PLEKHA5: variants seen among roughly 807,000 people sequenced by gnomAD.
PLEKHA5 encodes pleckstrin homology domain-containing family A member 5.
A neutral mutation model predicts 181.9 loss-of-function variants in PLEKHA5; 55 were observed. That is an observed-to-expected ratio of 0.30 (90% CI 0.24 to 0.38). The LOEUF is 0.38. Among genes scored for constraint, PLEKHA5 ranks in the 10% least tolerant of loss-of-function variants. PLEKHA5 has a pLI of 1.00. For missense variants in PLEKHA5, 1,432 were observed against 1,549.5 expected (o/e 0.92, Z 1.27); for synonymous variants, 535 against 529.4 (o/e 1.01, Z -0.15).
chr12:19,187,923 G>GCCTA (rs2050222585), intron 3 of PLEKHA5, among the ~76,000 whole-genome samples: 1 of 152,136 alleles, frequency 6.6e-6, no homozygotes, highest in Non-Finnish European at 1.5e-5. Context: ...CTGATAGAGT[G>GCCTA]CCTAGTAAGT....
At chr12:19,349,276 C>A (rs2094477614) in intron 25 of PLEKHA5, among the ~76,000 whole-genome samples, 1 of 151,950 alleles carries the variant, frequency 6.6e-6, no homozygotes, top group Admixed American at 6.6e-5. Context: ...CCACCATACC[C>A]AACTAATTTT....
intron 3 of PLEKHA5, among the ~76,000 whole-genome samples, chr12:19,182,383 T>A (rs1312388081): frequency 6.6e-6 from 1 of 152,206 alleles, no homozygotes; most frequent in Non-Finnish European, 1.5e-5. Flanking sequence ...CCATCAATCC[T>A]TTCCTAAAGG....
intron 10 of PLEKHA5, 98 bp from the exon 11 acceptor site, chr12:19,274,418 C>G (rs2073967700): frequency 1.3e-6 from 1 of 778,816 alleles, no homozygotes; most frequent in Non-Finnish European, 2.0e-6. Flanking sequence ...TCCCCTGGCC[C>G]CCACCCCCGT....
At chr12:19,291,388 A>G (rs1240438038) in intron 14 of PLEKHA5, among the ~76,000 whole-genome samples, 1 of 152,204 alleles carries the variant, frequency 6.6e-6, no homozygotes, top group Non-Finnish European at 1.5e-5. Flanking sequence ...TGCTAAAGCT[A>G]TTTTAAGGAA....
At chr12:19,364,510 C>CA (rs1027249743) in intron 29 of PLEKHA5, among the ~76,000 whole-genome samples, 14 of 149,184 alleles carry the variant, frequency 9.4e-5, no homozygotes, top group East Asian at 2.0e-4. Context: ...GAATCTGCCT[C>CA]AAAAAAAAAA....
intron 25 of PLEKHA5, among the ~76,000 whole-genome samples, chr12:19,351,713 G>A (rs2094602857): frequency 1.3e-5 from 2 of 152,128 alleles, no homozygotes; most frequent in South Asian, 4.1e-4. Context: ...AAAATACATT[G>A]TTAGAAATAA....
chr12:19,203,851 TTTA>T (rs1210354304), intron 3 of PLEKHA5, among the ~76,000 whole-genome samples: 3 of 151,462 alleles, frequency 2.0e-5, no homozygotes, highest in South Asian at 2.1e-4. Flanking sequence ...AGTTAGATTT[TTTA>T]TTTGTTTCTT....
At chr12:19,209,132 C>T (rs2056371403) in intron 3 of PLEKHA5, among the ~76,000 whole-genome samples, 1 of 152,100 alleles carries the variant, frequency 6.6e-6, no homozygotes, top group Non-Finnish European at 1.5e-5. Context: ...AAGGATAAGA[C>T]ATCAGCTTGA....
chr12:19,204,149 A>T (rs1358655481), intron 3 of PLEKHA5, among the ~76,000 whole-genome samples: 1 of 152,030 alleles, frequency 6.6e-6, no homozygotes, highest in South Asian at 2.1e-4. Context: ...TTGTGAGGCT[A>T]CTGTTCTCAA....
intron 3 of PLEKHA5, among the ~76,000 whole-genome samples, chr12:19,159,354 C>G (rs2042455571): frequency 6.6e-6 from 1 of 152,104 alleles, no homozygotes; most frequent in Admixed American, 6.5e-5. Flanking sequence ...TTGCCCTTTT[C>G]ACTTGAAACA....
intron 12 of PLEKHA5, among the ~76,000 whole-genome samples, chr12:19,286,370 T>C (rs1387776790): frequency 2.0e-5 from 3 of 152,206 alleles, no homozygotes; most frequent in East Asian, 3.8e-4. Flanking sequence ...TTAAAAAATA[T>C]CAGTTTTTTG....
chr12:19,169,420 A>G (rs1319999534), intron 3 of PLEKHA5, among the ~76,000 whole-genome samples: 1 of 152,164 alleles, frequency 6.6e-6, no homozygotes, highest in Non-Finnish European at 1.5e-5. Context: ...GTCTTCACTT[A>G]TAGGGCAGTG....
At chr12:19,242,430 A>G (rs901107671) in intron 3 of PLEKHA5, among the ~76,000 whole-genome samples, 3 of 151,932 alleles carry the variant, frequency 2.0e-5, no homozygotes, top group African/African-American at 4.8e-5. Flanking sequence ...TAGTAGAGAC[A>G]CGGTTTCACC....
At chr12:19,275,934 A>G (rs2074390876) in intron 11 of PLEKHA5, among the ~76,000 whole-genome samples, 1 of 152,218 alleles carries the variant, frequency 6.6e-6, no homozygotes, top group African/African-American at 2.4e-5. Flanking sequence ...CTAGTAGAGG[A>G]GACAATTGAA....
intron 15 of PLEKHA5, chr12:19,307,012 A>G (rs1260739921): frequency 3.3e-6 from 5 of 1,494,604 alleles, no homozygotes; most frequent in East Asian, 2.3e-5. Context: ...GGGGGCTCCT[A>G]CTCTTGTTCC....
chr12:19,300,988 A>G (rs1455217233), intron 15 of PLEKHA5, among the ~76,000 whole-genome samples: 3 of 151,406 alleles, frequency 2.0e-5, no homozygotes, highest in Non-Finnish European at 4.4e-5. Context: ...AAAAAAAAAA[A>G]AAAAATACAA....
At chr12:19,284,050 T>A (rs1201488292) in intron 12 of PLEKHA5, among the ~76,000 whole-genome samples, 2 of 151,888 alleles carry the variant, frequency 1.3e-5, no homozygotes, top group Non-Finnish European at 2.9e-5. Flanking sequence ...CCACATGCAT[T>A]TTTCTGTTGT....
chr12:19,278,392 A>T (rs538335764), intron 11 of PLEKHA5, among the ~76,000 whole-genome samples: 2 of 152,208 alleles, frequency 1.3e-5, no homozygotes, highest in African/African-American at 4.8e-5. Context: ...TTTAGATATT[A>T]GTTTATAAGC....
At chr12:19,350,145 G>C (rs1057435625) in intron 25 of PLEKHA5, among the ~76,000 whole-genome samples, 3 of 152,120 alleles carry the variant, frequency 2.0e-5, no homozygotes, top group African/African-American at 7.2e-5. Flanking sequence ...ATATCGCACT[G>C]TTTGAAACTT....
Sources: gnomAD v4.1 joint callset for allele counts (sites outside exome capture counted in the v4.1 genomes callset) on GRCh38, gnomAD v4.1.1 for gene constraint, MANE v1.5 for transcripts, NCBI Gene and HGNC (gene_info 2026-07-23, HGNC 2026-07-21) for gene names.